The following HDAC9 variants were observed in gnomAD, a reference collection of about 807,000 sequenced individuals.
HDAC9 encodes the protein histone deacetylase 9.
HDAC9 carries 41 observed loss-of-function variants against 139.4 expected under a neutral mutation model. The observed-to-expected ratio is 0.29, with a 90% CI of 0.23 to 0.38. The LOEUF is 0.38. HDAC9 is among the 10% of genes least tolerant of loss of function. HDAC9 has a pLI of 1.00. For missense variants in HDAC9, 1,147 were observed against 1,297.0 expected, an observed-to-expected ratio of 0.88 and a Z score of 1.78; for synonymous variants, 517 against 476.2, an observed-to-expected ratio of 1.09 and a Z score of -1.12.
chr7:18,306,260 T>G (rs1221182788), intron 1 of HDAC9, among the ~76,000 whole-genome samples: 1 of 152,166 alleles, frequency 6.6e-6, no homozygotes, highest in East Asian at 1.9e-4. Flanking sequence ...TGGGTAGGAC[T>G]CAGACTATGG....
At chr7:18,490,917 A>G (rs534327509), upstream of HDAC9, among the ~76,000 whole-genome samples, 45 of 152,140 alleles carry the variant, frequency 3.0e-4, no homozygotes, top group African/African-American at 8.2e-4. Context: ...ACAATTGTAG[A>G]GCACAAATTC....
chr7:18,103,893 C>T (rs1395840278), intron 1 of HDAC9, among the ~76,000 whole-genome samples: 1 of 152,174 alleles, frequency 6.6e-6, no homozygotes, highest in African/African-American at 2.4e-5. Flanking sequence ...ATTGTTTACC[C>T]ACTTACACCA....
rs138412819 is a variant in HDAC9, at chr7:18,331,518, C to T, written c.-42+41003C>T. Among the ~76,000 whole-genome samples the T allele has an allele frequency of 1.0e-3, 157 of 151,606 alleles. 1 individual carries two copies. Among genetic ancestry groups the T allele is most frequent in the Middle Eastern group, 3.4e-3 (1 of 294 alleles). On this transcript the variant is annotated intron_variant, in intron 1 of 3. Coordinates refer to the HDAC9 transcript ENST00000413509. ...ATGTAACTTTTTGACCCTGTAGTATCGCTTGCAGAATGTAACAGAAATGTT... is the reference window on the plus strand; with the variant it reads ...ATGTAACTTTTTGACCCTGTAGTATTGCTTGCAGAATGTAACAGAAATGTT...
In HDAC9 at chr7:18,332,360, CATGTGTGTGTGT is replaced by C. The variant is rs140508394; in HGVS notation, c.-42+41846_-42+41857del. Among the ~76,000 whole-genome samples the C allele has an allele frequency of 9.3e-3, 1,059 of 114,124 alleles. 8 individuals carry two copies. Among genetic ancestry groups the C allele is most frequent in the Admixed American group, 0.019 (211 of 11,166 alleles). The allele number at this position is 114,124 out of a possible 152,430, so 74.9% of individuals were successfully genotyped here. A position where few individuals can be genotyped will look rare whatever the true frequency, so the allele number is the denominator to read the frequency against. ...TGTGAATTGTGGCTGTGCATGCGCA[CATGTGTGTGTGT>C]GTGTGTGTGTGTGTGTGTGTGAGAG... On this transcript the variant is annotated intron_variant, in intron 1 of 3. Transcript: ENST00000413509.
intron 22 of HDAC9, among the ~76,000 whole-genome samples, chr7:18,899,999 T>G (rs1246689171): frequency 6.6e-6 from 1 of 152,096 alleles, no homozygotes; most frequent in Admixed American, 6.6e-5. Context: ...TACATGGATT[T>G]CAAACAAGGA....
At chr7:18,684,249 A>G (rs1339743865) in intron 12 of HDAC9, among the ~76,000 whole-genome samples, 1 of 146,678 alleles carries the variant, frequency 6.8e-6, no homozygotes, top group Admixed American at 6.7e-5. Context: ...GCCAGACCCT[A>G]TCTCAAAAAA....
intron 22 of HDAC9, among the ~76,000 whole-genome samples, chr7:18,890,731 A>G (rs1237977706): frequency 6.6e-6 from 1 of 152,224 alleles, no homozygotes; most frequent in East Asian, 1.9e-4. Context: ...TAAACTAAAA[A>G]GGAAATTCAC....
At chr7:18,559,175 A>C (rs1819791656) in intron 2 of HDAC9, among the ~76,000 whole-genome samples, 1 of 152,156 alleles carries the variant, frequency 6.6e-6, no homozygotes, top group Non-Finnish European at 1.5e-5. Context: ...CCTCCAGAAT[A>C]TTCCTTCTGA....
intron 3 of HDAC9, among the ~76,000 whole-genome samples, chr7:18,586,884 A>G (rs756161049): frequency 1.3e-5 from 2 of 152,146 alleles, no homozygotes; most frequent in Non-Finnish European, 2.9e-5. Flanking sequence ...CTTATTTTTG[A>G]ATGAATACTG....
chr7:18,418,431 A>G (rs1369321556), intron 1 of HDAC9, among the ~76,000 whole-genome samples: 2 of 151,720 alleles, frequency 1.3e-5, no homozygotes, highest in African/African-American at 4.8e-5. Context: ...AACCAAAAAA[A>G]AAAAAAAAAA....
chr7:18,788,968 G>A (rs916196439), intron 16 of HDAC9, among the ~76,000 whole-genome samples: 1 of 151,952 alleles, frequency 6.6e-6, no homozygotes, highest in African/African-American at 2.4e-5. Flanking sequence ...TATTCTATAT[G>A]TACCCTAATC....
At chr7:18,329,457 T>A (rs1256016361) in intron 1 of HDAC9, among the ~76,000 whole-genome samples, 1 of 151,254 alleles carries the variant, frequency 6.6e-6, no homozygotes, top group Non-Finnish European at 1.5e-5. Context: ...TTAAAATAAA[T>A]ATGTAAAAAT....
At chr7:18,473,140 G>A (rs779791840) in intron 1 of HDAC9, among the ~76,000 whole-genome samples, 7 of 152,088 alleles carry the variant, frequency 4.6e-5, no homozygotes, top group Non-Finnish European at 7.4e-5. Context: ...GACAGGGATC[G>A]CCAGCATTAC....
At position 18,356,358 on chromosome 7, in the gene HDAC9, GTTTTTTTTTTTTTT is replaced by G. The variant is rs5882659; in HGVS notation, c.-42+65857_-42+65870del. Among the ~76,000 whole-genome samples the G allele has an allele frequency of 5.1e-4, 28 of 55,162 alleles. 1 individual carries two copies. The highest frequency in any genetic ancestry group is 1.6e-3 in the Admixed American group (5 of 3,082). The allele number at this position is 55,162 out of a possible 152,430, so 36.2% of individuals were successfully genotyped here. ...GTAGCCTCTAGAGGGCAGCACATAG[GTTTTTTTTTTTTTT>G]TTTTTTTTTTTTTAAAGACAACAAA... On this transcript the variant is annotated intron_variant, in intron 1 of 3. Transcript: ENST00000413509.
At chr7:18,719,772 T>G (rs1785004683) in intron 12 of HDAC9, among the ~76,000 whole-genome samples, 1 of 152,222 alleles carries the variant, frequency 6.6e-6, no homozygotes, top group Non-Finnish European at 1.5e-5. Flanking sequence ...CCATTTGGAG[T>G]TAACTTTTGT....
At chr7:18,286,891 A>G (rs140276183), upstream of HDAC9, among the ~76,000 whole-genome samples, 24 of 152,294 alleles carry the variant, frequency 1.6e-4, no homozygotes, top group Non-Finnish European at 2.9e-4. Context: ...GGTGCTTTCT[A>G]TGACACGCAG....
intron 7 of HDAC9, among the ~76,000 whole-genome samples, chr7:18,632,743 G>A (rs1782715223): frequency 6.6e-6 from 1 of 152,012 alleles, no homozygotes; most frequent in South Asian, 2.1e-4. Flanking sequence ...AGAGACTACT[G>A]TAGTGACTCA....
Position 18,954,183 on chromosome 7 carries a change from C to T in HDAC9, c.2975C>T (p.Pro992Leu), listed in dbSNP as rs199654021. ...GCAGAAGATATTCTCCACCAAAGCC[C>T]GAATATGAATGCTGTTATTTCTTTA... ...PLAEDILHQS[P>L]NMNAVISLQK... is the part of the protein sequence containing the mutation. Residue 992 changes from proline (P) to leucine (L), a missense_variant, in exon 24 of 26, where the codon CCG becomes CTG. By Grantham distance (98) the Pro-to-Leu change is moderately conservative. Around this residue, in one of 7 missense-constraint regions of HDAC9, gnomAD observed 407 missense variants for 521.5 expected, o/e 0.78. Coordinates refer to ENST00000686413, the MANE Select transcript of HDAC9 (RefSeq NM_178425.4). The T allele has an allele frequency of 2.0e-5, 32 of 1,571,768 alleles. No homozygotes were observed. Among genetic ancestry groups the T allele is most frequent in the South Asian group, 5.8e-5 (5 of 86,332 alleles).
intron 1 of HDAC9, among the ~76,000 whole-genome samples, chr7:18,460,648 G>A (rs1586067397): frequency 6.6e-6 from 1 of 151,886 alleles, no homozygotes; most frequent in African/African-American, 2.4e-5. Flanking sequence ...GCGAGGCGTG[G>A]TGGCACATGT....
Sources: allele counts gnomAD v4.1 joint callset (sites outside exome capture counted in the v4.1 genomes callset), GRCh38; gene constraint gnomAD v4.1.1; regional missense constraint gnomAD v4.1.1; transcripts MANE v1.5; gene names NCBI Gene and HGNC (gene_info 2026-07-23, HGNC 2026-07-21).